The following SGCZ variants were observed in gnomAD, a reference collection of about 807,000 sequenced individuals.
SGCZ encodes sarcoglycan zeta, also known as zeta-sarcoglycan.
In SGCZ, 40 loss-of-function variants were observed where a neutral mutation model predicts 41.3. The observed-to-expected ratio is 0.97, with a 90% CI of 0.75 to 1.26. SGCZ has a LOEUF of 1.26. SGCZ is among the 50% of genes most tolerant of loss of function. The pLI is 0.00. For synonymous variants in SGCZ, 206 were observed against 137.5 expected (o/e 1.50, Z -3.49); for missense variants, 552 against 369.8 (o/e 1.49, Z -4.04).
At chr8:14,331,682 T>C (rs1585373320) in intron 2 of SGCZ, among the ~76,000 whole-genome samples, 1 of 152,096 alleles carries the variant, frequency 6.6e-6, no homozygotes, top group East Asian at 1.9e-4. Context: ...ATCACCTTTG[T>C]TCTTTGCCAA....
At chr8:14,638,626 A>G (rs745561739) in intron 1 of SGCZ, among the ~76,000 whole-genome samples, 6 of 151,764 alleles carry the variant, frequency 4.0e-5, no homozygotes, top group Non-Finnish European at 8.8e-5. Context: ...TCCTAGAATG[A>G]GAATCTCCTT....
intron 1 of SGCZ, among the ~76,000 whole-genome samples, chr8:15,023,626 C>T (rs1239239239): frequency 6.6e-6 from 1 of 152,100 alleles, no homozygotes; most frequent in Admixed American, 6.6e-5. Context: ...TGTGATACTG[C>T]TACAACATTT....
intron 1 of SGCZ, among the ~76,000 whole-genome samples, chr8:14,771,860 C>T (rs1414928045): frequency 1.3e-5 from 2 of 151,920 alleles, no homozygotes; most frequent in Non-Finnish European, 2.9e-5. Context: ...TGAAAATTCC[C>T]ATGTAATTTG....
At chr8:14,576,849 A>G (rs1804726435) in intron 1 of SGCZ, among the ~76,000 whole-genome samples, 1 of 152,194 alleles carries the variant, frequency 6.6e-6, no homozygotes, top group African/African-American at 2.4e-5. Flanking sequence ...GGTTTATAAG[A>G]GAGAATTGCA....
At chr8:15,067,446 T>C (rs901203291) in intron 1 of SGCZ, among the ~76,000 whole-genome samples, 2 of 152,198 alleles carry the variant, frequency 1.3e-5, no homozygotes, top group Non-Finnish European at 2.9e-5. Context: ...AAACCTACCA[T>C]AGATAAGTTA....
chr8:14,309,635 T>C, intron 3 of SGCZ: 1 of 1,610,810 alleles, frequency 6.2e-7, no homozygotes, highest in South Asian at 1.1e-5. Flanking sequence ...ACACAGCTAC[T>C]AAGAGCGGCT....
intron 3 of SGCZ, among the ~76,000 whole-genome samples, chr8:14,252,885 G>A (rs1016964073): frequency 6.6e-6 from 1 of 152,034 alleles, no homozygotes; most frequent in African/African-American, 2.4e-5. Flanking sequence ...TCACCATACT[G>A]GCTTTCCATT....
chr8:14,940,257 T>G (rs1011835033), intron 1 of SGCZ, among the ~76,000 whole-genome samples: 5 of 152,118 alleles, frequency 3.3e-5, no homozygotes, highest in African/African-American at 1.2e-4. Context: ...ATGCCCACAT[T>G]TAACTATAGC....
chr8:14,824,209 TA>T (rs1802212096), intron 1 of SGCZ, among the ~76,000 whole-genome samples: 3 of 152,124 alleles, frequency 2.0e-5, no homozygotes, highest in African/African-American at 7.2e-5. Context: ...TATTTAACAG[TA>T]AAAATTATGC....
intron 5 of SGCZ, among the ~76,000 whole-genome samples, chr8:14,112,554 C>T (rs1485658800): frequency 2.6e-5 from 4 of 152,002 alleles, no homozygotes; most frequent in African/African-American, 9.7e-5. Flanking sequence ...TGGAAGTCTT[C>T]CTACCTTACT....
At chr8:14,976,197 G>GT (rs1388343503) in intron 1 of SGCZ, among the ~76,000 whole-genome samples, 1 of 151,344 alleles carries the variant, frequency 6.6e-6, no homozygotes, top group African/African-American at 2.4e-5. Flanking sequence ...AATTTTTTGT[G>GT]TTTTTAGTAG....
intron 1 of SGCZ, among the ~76,000 whole-genome samples, chr8:14,572,426 A>T (rs1004764815): frequency 6.6e-6 from 1 of 152,200 alleles, no homozygotes; most frequent in African/African-American, 2.4e-5. Context: ...GTAGCAAACA[A>T]TCAAATGAGA....
chr8:14,742,492 G>C (rs564266161), intron 1 of SGCZ, among the ~76,000 whole-genome samples: 1 of 152,140 alleles, frequency 6.6e-6, no homozygotes, highest in East Asian at 1.9e-4. Flanking sequence ...AGACAATTTG[G>C]AGAAATCAAG....
intron 1 of SGCZ, among the ~76,000 whole-genome samples, chr8:14,946,970 G>A (rs1453908464): frequency 6.6e-6 from 1 of 151,952 alleles, no homozygotes; most frequent in African/African-American, 2.4e-5. Flanking sequence ...CACTGCACCT[G>A]GACTGCCTCT....
chr8:14,201,474 C>A (rs915810503), intron 4 of SGCZ, among the ~76,000 whole-genome samples: 4 of 152,064 alleles, frequency 2.6e-5, no homozygotes, highest in Admixed American at 6.6e-5. Flanking sequence ...TTGATTCCTG[C>A]AACAATATGA....
rs1382671409 is a variant in SGCZ at position 14,237,750 on chromosome 8, A to AT, written c.337-72dup. 3.0e-6 allele frequency: 4 copies of AT among 1,339,988 alleles called. No homozygotes were observed. In the African/African-American group the frequency reaches 5.9e-5, roughly 20 times the overall value. The allele number at this position is 1,339,988 out of a possible 1,614,324, so 83.0% of individuals were successfully genotyped here. On this transcript the variant is annotated intron_variant, in intron 3 of 7. Transcript: ENST00000382080. The stretch of plus-strand genomic sequence containing the variant: ...TCAAATTTACAAAAAAATATACTGC[A>AT]TTTGTTTGGATATTCTGAAAAATTT...
chr8:14,938,132 G>A (rs77110078), intron 1 of SGCZ, among the ~76,000 whole-genome samples: 2,218 of 152,114 alleles, frequency 0.015, 38 homozygotes, highest in South Asian at 0.05. Flanking sequence ...GTTGTTCACT[G>A]TTTTATATTG....
intron 1 of SGCZ, among the ~76,000 whole-genome samples, chr8:15,099,332 A>G (rs1237643411): frequency 6.6e-6 from 1 of 152,192 alleles, no homozygotes; most frequent in Non-Finnish European, 1.5e-5. Flanking sequence ...ATCACAACTG[A>G]TCCCCCACTG....
chr8:15,134,310 T>TG (rs1239813000), intron 1 of SGCZ, among the ~76,000 whole-genome samples: 9 of 151,052 alleles, frequency 6.0e-5, no homozygotes, highest in South Asian at 2.1e-4. Flanking sequence ...AGGTCTTTTT[T>TG]TTTTTTGTTT....
Sources: allele counts gnomAD v4.1 joint callset (sites outside exome capture counted in the v4.1 genomes callset), GRCh38; gene constraint gnomAD v4.1.1; transcripts MANE v1.5; gene names NCBI Gene and HGNC (gene_info 2026-07-23, HGNC 2026-07-21).